The following STK32B variants were observed in gnomAD, a reference collection of about 807,000 sequenced individuals.
STK32B encodes serine/threonine-protein kinase 32B.
A neutral mutation model predicts 52.6 loss-of-function variants in STK32B; 43 were observed. That is an observed-to-expected ratio of 0.82 (90% CI 0.64 to 1.05). The LOEUF is 1.05. STK32B is among the 50% of genes least tolerant of loss of function. STK32B has a pLI of 0.00. For synonymous variants in STK32B, 238 were observed against 204.3 expected (o/e 1.17, Z -1.41); for missense variants, 621 against 534.6 (o/e 1.16, Z -1.59).
chr4:5,393,393 A>C (rs143465306), intron 4 of STK32B, among the ~76,000 whole-genome samples: 2 of 152,320 alleles, frequency 1.3e-5, no homozygotes, highest in African/African-American at 4.8e-5. Context: ...GCTAATGTTC[A>C]TTGTCTTAGT....
chr4:5,450,664 G>T (rs16837251), intron 7 of STK32B, among the ~76,000 whole-genome samples: 1 of 152,050 alleles, frequency 6.6e-6, no homozygotes, highest in East Asian at 1.9e-4. Context: ...TTCAGAATCC[G>T]TTTGTATTAA....
intron 4 of STK32B, among the ~76,000 whole-genome samples, chr4:5,351,534 A>C (rs374890127): frequency 2.6e-5 from 4 of 152,072 alleles, no homozygotes; most frequent in East Asian, 3.8e-4. Flanking sequence ...TCAAATAAAC[A>C]AATGATTTAC....
At chr4:5,092,470 T>C (rs567647217) in intron 1 of STK32B, among the ~76,000 whole-genome samples, 25 of 150,406 alleles carry the variant, frequency 1.7e-4, no homozygotes, top group Non-Finnish European at 2.9e-4. Context: ...AGGCGGAGCT[T>C]GCAGTGAGCC....
chr4:5,187,926 T>TA (rs1720871853), intron 3 of STK32B, among the ~76,000 whole-genome samples: 1 of 152,154 alleles, frequency 6.6e-6, no homozygotes. Flanking sequence ...GCGTGGTTAT[T>TA]ATACTCAACA....
Position 5,400,938 on chromosome 4 carries a change from T to C in STK32B, c.472+2694T>C, listed in dbSNP as rs1027697337. On this transcript the variant is annotated intron_variant, in intron 5 of 11. Coordinates refer to ENST00000282908, the MANE Select transcript of STK32B (RefSeq NM_018401.3). This position sits in a 1 kb window ranked among gnomAD's most constrained non-coding sequence, Gnocchi z 6.1. ...AGAGTGTGGGGAAGCTCAGGAGAGG[T>C]CGGGCAGAGGGGAGAGGGAAAGGTG... is the stretch of plus-strand genomic sequence containing the variant. Among the ~76,000 whole-genome samples, 2 of 147,844 alleles carry C rather than the reference T, an allele frequency of 1.4e-5. No homozygotes were observed. Among genetic ancestry groups the C allele is most frequent in the Admixed American group, 6.7e-5 (1 of 14,918 alleles).
intron 3 of STK32B, among the ~76,000 whole-genome samples, chr4:5,327,146 C>T (rs906096737): frequency 4.6e-5 from 7 of 151,966 alleles, no homozygotes; most frequent in African/African-American, 1.7e-4. Flanking sequence ...GGTTCCACTT[C>T]TGATTCTAGT....
intron 1 of STK32B, among the ~76,000 whole-genome samples, chr4:5,125,946 A>T (rs1191056703): frequency 1.3e-5 from 2 of 152,084 alleles, no homozygotes; most frequent in African/African-American, 4.8e-5. Context: ...CCTTGCCTCA[A>T]CCTAGGTTGA....
chr4:5,444,020 C>A (rs1444184323), intron 6 of STK32B, among the ~76,000 whole-genome samples: 1 of 152,200 alleles, frequency 6.6e-6, no homozygotes, highest in Non-Finnish European at 1.5e-5. Context: ...CAGACAGGGA[C>A]ATTTAAGTCT....
At chr4:5,341,054 T>C (rs1392550769) in intron 4 of STK32B, among the ~76,000 whole-genome samples, 1 of 152,226 alleles carries the variant, frequency 6.6e-6, no homozygotes, top group East Asian at 1.9e-4. Flanking sequence ...CCACTGAGCA[T>C]ACAGCTCCCT....
chr4:5,481,845 A>G (rs565609930), intron 11 of STK32B, among the ~76,000 whole-genome samples: 2 of 152,026 alleles, frequency 1.3e-5, no homozygotes, highest in African/African-American at 4.8e-5. Context: ...ATAGGGAATC[A>G]TTTCCCCATT....
intron 3 of STK32B, among the ~76,000 whole-genome samples, chr4:5,229,132 G>T (rs1317923896): frequency 4.0e-5 from 6 of 151,828 alleles, no homozygotes; most frequent in African/African-American, 1.5e-4. Context: ...TGATGGACTT[G>T]CTTGACACAG....
intron 1 of STK32B, among the ~76,000 whole-genome samples, chr4:5,114,696 C>T (rs530926390): frequency 2.6e-5 from 4 of 152,300 alleles, no homozygotes; most frequent in Non-Finnish European, 4.4e-5. Flanking sequence ...TCAAACAACT[C>T]GCTCCCGTCT....
chr4:5,104,695 T>A (rs139617170), intron 1 of STK32B, among the ~76,000 whole-genome samples: 3 of 152,362 alleles, frequency 2.0e-5, no homozygotes, highest in African/African-American at 7.2e-5. Flanking sequence ...TCTTCTTCTC[T>A]GAGGTCATTC....
intron 5 of STK32B, among the ~76,000 whole-genome samples, chr4:5,409,908 C>A (rs1711519906): frequency 6.6e-6 from 1 of 152,148 alleles, no homozygotes; most frequent in African/African-American, 2.4e-5. Flanking sequence ...TATTCTTTAT[C>A]AGGCAAAGAC....
rs915461109 is a variant in STK32B, at chr4:5,058,095, A to G, written c.52+6180A>G. ...TCCTTGATTTTTGTGACCTCCTTGG[A>G]GTACCCTTATGCATTGAAGATTTTG... On this transcript the variant is annotated intron_variant, in intron 1 of 11. Transcript: ENST00000282908. The surrounding 1 kb of genome is among the most constrained non-coding windows in gnomAD (Gnocchi z 4.8). Among the ~76,000 whole-genome samples, 1 of 152,160 alleles carries G rather than the reference A, an allele frequency of 6.6e-6. No individual in the cohort carries two copies. Among genetic ancestry groups the G allele is most frequent in the Admixed American group, 6.5e-5 (1 of 15,276 alleles).
At chr4:5,182,586 T>C (rs1219750594) in intron 3 of STK32B, among the ~76,000 whole-genome samples, 3 of 152,004 alleles carry the variant, frequency 2.0e-5, no homozygotes, top group South Asian at 2.1e-4. Context: ...CTCAGCCTCC[T>C]GAGTAGCTGG....
In STK32B at chr4:5,176,314, C is replaced by A. The variant is rs548445773; in HGVS notation, c.260+7864C>A. Among the ~76,000 whole-genome samples, 5 of 152,244 alleles carry A rather than the reference C, an allele frequency of 3.3e-5. No individual in the cohort carries two copies. In the East Asian group the frequency reaches 9.7e-4, roughly 29 times the overall value. ...GTGTGCTGCACCCACTGTTCTGCAC[C>A]CACTGTCCGGCACTCCCCAGTGAGA... On this transcript the variant is annotated intron_variant, in intron 3 of 11. Coordinates refer to ENST00000282908, the MANE Select transcript of STK32B (RefSeq NM_018401.3).
intron 1 of STK32B, among the ~76,000 whole-genome samples, chr4:5,052,654 G>A (rs981042089): frequency 1.3e-5 from 2 of 152,182 alleles, no homozygotes; most frequent in Non-Finnish European, 2.9e-5. Flanking sequence ...AATGAAATGT[G>A]AGTTATGATA....
chr4:5,219,089 G>A (rs1360497854), intron 3 of STK32B, among the ~76,000 whole-genome samples: 1 of 152,258 alleles, frequency 6.6e-6, no homozygotes, highest in Non-Finnish European at 1.5e-5. Flanking sequence ...TTGGCTCTGT[G>A]CCTTGTGAAT....
Sources: gnomAD v4.1 joint callset for allele counts (sites outside exome capture counted in the v4.1 genomes callset) on GRCh38, gnomAD v4.1.1 for gene constraint, Gnocchi (gnomAD v3.1) non-coding constraint, MANE v1.5 for transcripts, NCBI Gene and HGNC (gene_info 2026-07-23, HGNC 2026-07-21) for gene names.